Variants in ADGRL2 observed in about 807,000 individuals in gnomAD.
ADGRL2 encodes the protein adhesion G protein-coupled receptor L2.
Under a neutral mutation model 157.4 loss-of-function variants are expected in ADGRL2, and 44 were observed. The ratio of observed to expected loss-of-function variants is 0.28; its 90% CI spans 0.22 to 0.36. The LOEUF (loss-of-function observed/expected upper bound fraction) is 0.36. ADGRL2 is among the 10% of genes least tolerant of loss of function. The probability of loss-of-function intolerance (pLI) is 1.00; values close to 1 mark genes in which losing one functional copy is unlikely to be tolerated. For synonymous variants in ADGRL2, 585 were observed against 624.7 expected (o/e 0.94, Z 0.95); for missense variants, 1,510 against 1,768.9 (o/e 0.85, Z 2.63).
At chr1:81,449,776 A>T (rs2077672049) in intron 2 of ADGRL2, among the ~76,000 whole-genome samples, 2 of 152,036 alleles carry the variant, frequency 1.3e-5, no homozygotes, top group South Asian at 4.1e-4. Context: ...TTTTGTGTAG[A>T]GACAAGGTTT....
chr1:81,365,950 A>G (rs2076059106), intron 1 of ADGRL2, among the ~76,000 whole-genome samples: 1 of 152,158 alleles, frequency 6.6e-6, no homozygotes, highest in Non-Finnish European at 1.5e-5. Context: ...TGTGAATACT[A>G]TTAGCAGAGG....
At chr1:81,565,455 A>G (rs1485414698) in intron 2 of ADGRL2, among the ~76,000 whole-genome samples, 1 of 152,188 alleles carries the variant, frequency 6.6e-6, no homozygotes, top group Non-Finnish European at 1.5e-5. Flanking sequence ...TTTGTTGTTG[A>G]TCTACTAAAG....
chr1:81,486,118 C>G (rs949858587), intron 2 of ADGRL2, among the ~76,000 whole-genome samples: 1 of 152,152 alleles, frequency 6.6e-6, no homozygotes, highest in African/African-American at 2.4e-5. Flanking sequence ...GTTTGGTTTT[C>G]AAAACAAGCA....
chr1:81,431,258 G>A (rs1453629150), intron 1 of ADGRL2, among the ~76,000 whole-genome samples: 1 of 152,132 alleles, frequency 6.6e-6, no homozygotes, highest in Non-Finnish European at 1.5e-5. Flanking sequence ...TAAGAGAAAA[G>A]GAGAAAACCA....
intron 2 of ADGRL2, among the ~76,000 whole-genome samples, chr1:81,874,635 T>TTGTCCTGTCCTGTCCTGTCCTGTCC (rs1210488629): frequency 2.7e-5 from 3 of 112,770 alleles, no homozygotes; most frequent in African/African-American, 9.0e-5. Flanking sequence ...TTGTCTTGTC[T>TTGTCCTGTCCTGTCCTGTCCTGTCC]TGTCCTGTCC....
chr1:81,491,612 G>A (rs11163314), intron 2 of ADGRL2, among the ~76,000 whole-genome samples: 22,251 of 152,100 alleles, frequency 0.15, 3,020 homozygotes, highest in African/African-American at 0.36. Context: ...TAGAACCAAA[G>A]ATGACAGAAA....
At chr1:81,837,585 A>G (rs2092347534) in intron 2 of ADGRL2, among the ~76,000 whole-genome samples, 1 of 151,914 alleles carries the variant, frequency 6.6e-6, no homozygotes, top group Non-Finnish European at 1.5e-5. Flanking sequence ...AAATATAACT[A>G]TTTCTTTGTA....
At chr1:81,813,855 A>C (rs922935457) in intron 1 of ADGRL2, among the ~76,000 whole-genome samples, 1 of 151,562 alleles carries the variant, frequency 6.6e-6, no homozygotes, top group Admixed American at 6.6e-5. Flanking sequence ...GGGTTACTGG[A>C]GATTTCATTC....
chr1:81,336,255 T>G, intron 1 of ADGRL2, among the ~76,000 whole-genome samples: 1 of 152,214 alleles, frequency 6.6e-6, no homozygotes, highest in East Asian at 1.9e-4. Context: ...TAATAATGCT[T>G]CTTTTTCTAA....
chr1:81,812,218 G>T (rs1249219126), intron 1 of ADGRL2, among the ~76,000 whole-genome samples: 1 of 151,702 alleles, frequency 6.6e-6, no homozygotes. Flanking sequence ...TACCTGCAGA[G>T]GGAGCTTTTA....
chr1:81,396,619 T>A (rs1557657354), intron 1 of ADGRL2, among the ~76,000 whole-genome samples: 1 of 152,216 alleles, frequency 6.6e-6, no homozygotes, highest in Non-Finnish European at 1.5e-5. Flanking sequence ...GTTCAGATGT[T>A]AACTGTGGGT....
At chr1:81,899,827 T>C (rs2094456384) in intron 2 of ADGRL2, among the ~76,000 whole-genome samples, 1 of 152,152 alleles carries the variant, frequency 6.6e-6, no homozygotes, top group African/African-American at 2.4e-5. Flanking sequence ...GTTGATTATG[T>C]TCACCAAGCC....
intron 1 of ADGRL2, among the ~76,000 whole-genome samples, chr1:81,351,104 GT>G (rs1196516066): frequency 6.6e-6 from 1 of 152,130 alleles, no homozygotes; most frequent in Admixed American, 6.5e-5. Flanking sequence ...CCTTTTAAGG[GT>G]CGCTTAGCAT....
chr1:81,398,707 C>T lies in ADGRL2; in HGVS notation c.-301-46329C>T, dbSNP rs12745958. Among the ~76,000 whole-genome samples the T allele has an allele frequency of 9.0e-3, 1,363 of 152,260 alleles. 11 individuals are homozygous for T. The highest frequency in any genetic ancestry group is 0.014 in the Non-Finnish European group (946 of 68,024). ...TTCTTTCCTTTTCTTCTTCTTTCAA[C>T]ACTTTGAATATATCACCCAATTCTC... On this transcript the variant is annotated intron_variant, in intron 1 of 24. Coordinates refer to the ADGRL2 transcript ENST00000370721.
At chr1:81,756,042 C>G (rs2085679211) in intron 1 of ADGRL2, among the ~76,000 whole-genome samples, 1 of 152,124 alleles carries the variant, frequency 6.6e-6, no homozygotes, top group African/African-American at 2.4e-5. Flanking sequence ...TTAATCTAAA[C>G]CAAACAAAAT....
intron 3 of ADGRL2, among the ~76,000 whole-genome samples, chr1:81,649,818 T>A (rs1405729731): frequency 1.3e-5 from 2 of 152,182 alleles, no homozygotes; most frequent in Non-Finnish European, 2.9e-5. Flanking sequence ...CCACTGCATC[T>A]GATGGAAAAG....
chr1:81,819,674 A>G (rs551116727), intron 1 of ADGRL2, among the ~76,000 whole-genome samples: 1 of 152,230 alleles, frequency 6.6e-6, no homozygotes, highest in South Asian at 2.1e-4. Flanking sequence ...TGAGATTTCT[A>G]GTAGGTAATC....
chr1:81,413,018 T>C (rs2076973692), intron 1 of ADGRL2, among the ~76,000 whole-genome samples: 1 of 152,236 alleles, frequency 6.6e-6, no homozygotes, highest in Non-Finnish European at 1.5e-5. Flanking sequence ...TTTTCTCTAC[T>C]TTTTTGTTAT....
intron 1 of ADGRL2, among the ~76,000 whole-genome samples, chr1:81,723,856 G>C (rs1161608343): frequency 6.6e-6 from 1 of 152,124 alleles, no homozygotes; most frequent in Non-Finnish European, 1.5e-5. Flanking sequence ...AGTAGAATTG[G>C]AGTACTTAGT....
Sources: gnomAD v4.1 joint callset for allele counts (sites outside exome capture counted in the v4.1 genomes callset) on GRCh38, gnomAD v4.1.1 for gene constraint, MANE v1.5 for transcripts, NCBI Gene and HGNC (gene_info 2026-07-23, HGNC 2026-07-21) for gene names.